ADARB2: variants seen among roughly 807,000 people sequenced by gnomAD.
ADARB2 encodes inactive double-stranded RNA-specific editase B2.
A neutral mutation model predicts 62.2 loss-of-function variants in ADARB2; 25 were observed. The observed-to-expected ratio is 0.40, with a 90% CI of 0.29 to 0.56. The LOEUF is 0.56. ADARB2 is among the 20% of genes least tolerant of loss of function. The pLI is 0.43. For missense variants in ADARB2, 1,071 were observed against 1,077.4 expected (o/e 0.99, Z 0.08); for synonymous variants, 572 against 500.8 (o/e 1.14, Z -1.90).
intron 1 of ADARB2, among the ~76,000 whole-genome samples, chr10:1,650,009 CATA>C (rs1834090428): frequency 6.6e-6 from 1 of 152,216 alleles, no homozygotes; most frequent in African/African-American, 2.4e-5. Flanking sequence ...CATACCTTTT[CATA>C]ACTACAAACC....
intron 1 of ADARB2, among the ~76,000 whole-genome samples, chr10:1,543,332 C>T (rs538014389): frequency 6.6e-6 from 1 of 152,354 alleles, no homozygotes; most frequent in South Asian, 2.1e-4. Flanking sequence ...GCAGTCAAGG[C>T]CTCCTGCAAT....
At position 1,250,785 on chromosome 10, in the gene ADARB2, C is replaced by T. The variant is rs186208438; in HGVS notation, c.1193-8486G>A. Among the ~76,000 whole-genome samples, 272 of 152,264 alleles carry T rather than the reference C, an allele frequency of 1.8e-3. 1 individual carries two copies. Among genetic ancestry groups the T allele is most frequent in the Non-Finnish European group, 2.3e-3 (157 of 68,012 alleles). ...TGGGCAAGCTGATTCTAAAAGGAAA[C>T]CCAGAAAATTCTGAAAAAGAAGGCT... On this transcript the variant is annotated intron_variant, in intron 4 of 9. Coordinates refer to ENST00000381312, the MANE Select transcript of ADARB2 (RefSeq NM_018702.4).
intron 3 of ADARB2, among the ~76,000 whole-genome samples, chr10:1,339,409 C>T (rs1397738437): frequency 6.6e-6 from 1 of 152,192 alleles, no homozygotes; most frequent in African/African-American, 2.4e-5. Flanking sequence ...CACTCAGAGC[C>T]TTCGTTTCAT....
chr10:1,582,481 C>T (rs1403866250), intron 1 of ADARB2, among the ~76,000 whole-genome samples: 4 of 152,168 alleles, frequency 2.6e-5, no homozygotes, highest in East Asian at 1.9e-4. Context: ...AAATGGCCTT[C>T]GAAGAATAAA....
chr10:1,560,508 GGC>G, intron 1 of ADARB2, among the ~76,000 whole-genome samples: 4 of 28,520 alleles, frequency 1.4e-4, no homozygotes, highest in African/African-American at 3.0e-4. Flanking sequence ...ACACACGGGG[GGC>G]ACCCTGGGTC....
intron 1 of ADARB2, among the ~76,000 whole-genome samples, chr10:1,382,904 G>C (rs193025088): frequency 3.3e-5 from 5 of 152,158 alleles, no homozygotes. Flanking sequence ...CACATCCTGG[G>C]TTCTTGAGCT....
intron 1 of ADARB2, among the ~76,000 whole-genome samples, chr10:1,727,233 C>T (rs1336520054): frequency 6.6e-6 from 1 of 152,160 alleles, no homozygotes; most frequent in Non-Finnish European, 1.5e-5. Flanking sequence ...ATTTTGGCCC[C>T]CATTCTTGAG....
intron 3 of ADARB2, among the ~76,000 whole-genome samples, chr10:1,303,458 G>A (rs1831594527): frequency 6.6e-6 from 1 of 152,122 alleles, no homozygotes; most frequent in African/African-American, 2.4e-5. Context: ...CACTCTGCAG[G>A]ATATTATCCA....
At chr10:1,609,605 A>G (rs1019977875) in intron 1 of ADARB2, among the ~76,000 whole-genome samples, 2 of 152,220 alleles carry the variant, frequency 1.3e-5, no homozygotes, top group African/African-American at 2.4e-5. Flanking sequence ...CAATATTCAC[A>G]TTTCACATGA....
At chr10:1,377,150 T>TGTGTG in intron 2 of ADARB2, among the ~76,000 whole-genome samples, 1 of 130,818 alleles carries the variant, frequency 7.6e-6, no homozygotes, top group South Asian at 2.8e-4. Flanking sequence ...TGTGTGTTTG[T>TGTGTG]GTGTGCTCCT....
At chr10:1,663,709 T>A (rs1834279374) in intron 1 of ADARB2, among the ~76,000 whole-genome samples, 1 of 152,010 alleles carries the variant, frequency 6.6e-6, no homozygotes, top group Non-Finnish European at 1.5e-5. Context: ...AATCTCTGCC[T>A]CCTGGGTTCA....
chr10:1,415,304 G>A (rs886890079), intron 1 of ADARB2, among the ~76,000 whole-genome samples: 3 of 149,360 alleles, frequency 2.0e-5, no homozygotes, highest in African/African-American at 4.9e-5. Context: ...ACGATAGAAT[G>A]GGCAGATAAA....
At chr10:1,454,876 C>T (rs557430428) in intron 1 of ADARB2, among the ~76,000 whole-genome samples, 9 of 152,314 alleles carry the variant, frequency 5.9e-5, no homozygotes, top group African/African-American at 2.2e-4. Context: ...AAAGAAGACC[C>T]TTGCTGAGCT....
chr10:1,343,573 G>A (rs1219713781), intron 3 of ADARB2, among the ~76,000 whole-genome samples: 1 of 152,188 alleles, frequency 6.6e-6, no homozygotes, highest in Non-Finnish European at 1.5e-5. Flanking sequence ...ACAGGCACGC[G>A]CATGTCCATC....
At chr10:1,717,424 C>T (rs550539210) in intron 1 of ADARB2, among the ~76,000 whole-genome samples, 2 of 152,024 alleles carry the variant, frequency 1.3e-5, no homozygotes, top group Admixed American at 6.5e-5. Flanking sequence ...TCCTCACTCT[C>T]AGACCCTGCG....
At chr10:1,652,692 C>T (rs952056495) in intron 1 of ADARB2, among the ~76,000 whole-genome samples, 5 of 152,128 alleles carry the variant, frequency 3.3e-5, no homozygotes, top group Admixed American at 2.6e-4. Context: ...GAAAACAAGC[C>T]GTCCTGAGGC....
intron 1 of ADARB2, among the ~76,000 whole-genome samples, chr10:1,414,627 C>A (rs1039073992): frequency 6.6e-6 from 1 of 152,250 alleles, no homozygotes; most frequent in African/African-American, 2.4e-5. Flanking sequence ...TTCTCATCAC[C>A]TGTTTCTTTG....
chr10:1,233,626 G>A (rs1160888667), intron 6 of ADARB2, 68 bp downstream of exon 6: 1 of 1,512,384 alleles, frequency 6.6e-7, no homozygotes, highest in Non-Finnish European at 8.9e-7. Flanking sequence ...TGAAAGCCCA[G>A]GACAGAGTCC....
At chr10:1,550,297 TG>T (rs1832597721) in intron 1 of ADARB2, among the ~76,000 whole-genome samples, 1 of 152,230 alleles carries the variant, frequency 6.6e-6, no homozygotes, top group Admixed American at 6.5e-5. Context: ...CTGAATTTCC[TG>T]GAAGTGCTAA....
Sources: allele counts gnomAD v4.1 joint callset (sites outside exome capture counted in the v4.1 genomes callset), GRCh38; gene constraint gnomAD v4.1.1; transcripts MANE v1.5; gene names NCBI Gene and HGNC (gene_info 2026-07-23, HGNC 2026-07-21).